PES1: variants seen among roughly 807,000 people sequenced by gnomAD.
PES1 encodes pescadillo ribosomal biogenesis factor 1.
A neutral mutation model predicts 77.1 loss-of-function variants in PES1; 31 were observed. That is an observed-to-expected ratio of 0.40 (90% confidence interval 0.30 to 0.54). The LOEUF (loss-of-function observed/expected upper bound fraction) is 0.54, where lower values mean the gene tolerates loss of function less well. Among genes scored for constraint, PES1 ranks in the 20% least tolerant of loss-of-function variants. The pLI, the probability that PES1 is intolerant of heterozygous loss-of-function variation, is 0.45. For synonymous variants in PES1, 282 were observed against 303.0 expected (o/e 0.93, Z 0.72); for missense variants, 658 against 771.7 (o/e 0.85, Z 1.75).
intron 4 of PES1, 65 bp downstream of exon 4, chr22:30,587,221 G>A (rs1283524324): frequency 1.7e-6 from 2 of 1,152,562 alleles, no homozygotes; most frequent in African/African-American, 3.0e-5. Context: ...TTGTATCCCT[G>A]GTGCTAGGGC....
At position 30,587,396 on chromosome 22, in the gene PES1, C is replaced by G; in HGVS notation, c.259-1G>C. On this transcript the variant is annotated splice_acceptor_variant, in intron 3 of 14. Transcript: ENST00000354694. LOFTEE classifies it high-confidence loss of function. ...CCTTCCGGAGCTTCCGGACGAACAC[C>G]TGGAAGAAAGAAAGAAAACACCTCA... The G allele has an allele frequency of 6.2e-7, 1 of 1,611,420 alleles. No individual in the cohort carries two copies. Among genetic ancestry groups the G allele is most frequent in the Non-Finnish European group, 8.5e-7 (1 of 1,177,748 alleles).
intron 2 of PES1, among the ~76,000 whole-genome samples, chr22:30,599,987 GTTAAA>G (rs1454272036): frequency 9.9e-5 from 15 of 152,130 alleles, no homozygotes; most frequent in Non-Finnish European, 2.2e-4. Flanking sequence ...AAATATTTAT[GTTAAA>G]TTAAATAACT....
chr22:30,603,580 C>G (rs1292388453), intron 2 of PES1, among the ~76,000 whole-genome samples: 1 of 151,892 alleles, frequency 6.6e-6, no homozygotes, highest in African/African-American at 2.4e-5. Context: ...CTGGATTTCA[C>G]CCTGTTGGTC....
At chr22:30,580,728 A>T in intron 9 of PES1, 27 bp from the exon 10 acceptor site, 1 of 1,611,692 alleles carries the variant, frequency 6.2e-7, no homozygotes, top group Non-Finnish European at 8.5e-7. Flanking sequence ...CAGGCCTCGC[A>T]CCACCAGGGC....
At chr22:30,591,418 G>A (rs1221816028) in intron 1 of PES1, among the ~76,000 whole-genome samples, 3 of 152,166 alleles carry the variant, frequency 2.0e-5, no homozygotes, top group East Asian at 1.9e-4. Flanking sequence ...CATTTCAGCC[G>A]AAATGTTATG....
chr22:30,585,467 T>C, intron 4 of PES1: 1 of 357,904 alleles, frequency 2.8e-6, no homozygotes. Context: ...ACCCAGACTC[T>C]TCATTTACAA....
chr22:30,579,431 A>G (rs1470772588), intron 12 of PES1, 128 bp from the exon 13 acceptor site: 1 of 1,475,484 alleles, frequency 6.8e-7, no homozygotes, highest in Admixed American at 1.9e-5. Flanking sequence ...GGGATGTCCC[A>G]ATTGTGGCCC....
chr22:30,605,894 T>C (rs2087431330), intron 1 of PES1, among the ~76,000 whole-genome samples: 1 of 152,238 alleles, frequency 6.6e-6, no homozygotes, highest in Non-Finnish European at 1.5e-5. Flanking sequence ...ATAAAATAAT[T>C]GCAATGCAGA....
intron 1 of PES1, among the ~76,000 whole-genome samples, chr22:30,605,733 G>T (rs569222177): frequency 6.6e-6 from 1 of 152,268 alleles, no homozygotes; most frequent in South Asian, 2.1e-4. Context: ...GCCACATCCA[G>T]CCTTTCTGAC....
intron 2 of PES1, chr22:30,601,724 G>A (rs914689233): frequency 1.3e-5 from 2 of 151,836 alleles, no homozygotes; most frequent in Admixed American, 1.3e-4. Flanking sequence ...ATTCATTGAA[G>A]GATACCTTGG....
chr22:30,591,728 G>A (rs1259273451), intron 1 of PES1, 82 bp downstream of exon 1: 2 of 1,473,790 alleles, frequency 1.4e-6, no homozygotes, highest in African/African-American at 1.4e-5. Context: ...CCACGAGACG[G>A]AGCCCGGGAA....
At position 30,580,677 on chromosome 22, in the gene PES1, G is replaced by A. The variant is rs140816492; in HGVS notation, c.937C>T (p.Arg313Cys). The A allele has an allele frequency of 9.5e-5, 154 of 1,613,368 alleles. 1 individual carries two copies. In the African/African-American group the frequency reaches 1.0e-3, roughly 11 times the overall value. Residue 313 changes from arginine (R) to cysteine (C), a missense_variant, in exon 10 of 15, where the codon CGC becomes TGC. Physicochemically the swap from Arg to Cys is radical, Grantham distance 180 (BLOSUM62 -3). Coordinates refer to ENST00000354694, the MANE Select transcript of PES1 (RefSeq NM_014303.4). Reference protein sequence around the residue: ...DGEMSAQEEDRRKELEAQEKH... With the variant: ...DGEMSAQEEDCRKELEAQEKH... ...TCCTGCGCCTCCAGCTCCTTCCTGC[G>A]GTCTTCCTCCTGCGCTGACATCTCC...
chr22:30,601,699 G>A lies in PES1; in HGVS notation c.-661+3762C>T, dbSNP rs367835985. 1.1e-4 allele frequency: 17 copies of A among 151,906 alleles called. No homozygotes were observed. The East Asian group carries it at 1.4e-3, about 12-fold the overall frequency. 9.4% of individuals were successfully genotyped at this position (151,906 alleles called of 1,614,324 possible). A position where few individuals can be genotyped will look rare whatever the true frequency, so the allele number is the denominator to read the frequency against. Reference sequence around the variant, plus strand: ...CAATATTTCATTGTATAGATGTACCGCAATTTGTTTATGCATTCATTGAAG... The same window carrying A: ...CAATATTTCATTGTATAGATGTACCACAATTTGTTTATGCATTCATTGAAG... On this transcript the variant is annotated intron_variant, in intron 2 of 16. Transcript: ENST00000402281.
upstream of PES1, among the ~76,000 whole-genome samples, chr22:30,593,521 G>T (rs1277076329): frequency 6.6e-6 from 1 of 152,094 alleles, no homozygotes; most frequent in Non-Finnish European, 1.5e-5. Flanking sequence ...GAAGGAAAGG[G>T]ATGGACTGGA....
upstream of PES1, chr22:30,592,394 T>C (rs910946944): frequency 3.0e-6 from 3 of 987,652 alleles, no homozygotes; most frequent in African/African-American, 3.5e-5. Context: ...TTCGCGGTTA[T>C]GCGGCTAAAA....
At chr22:30,602,270 A>G (rs1036850653) in intron 2 of PES1, among the ~76,000 whole-genome samples, 17 of 152,096 alleles carry the variant, frequency 1.1e-4, no homozygotes, top group South Asian at 8.3e-4. Flanking sequence ...CACTTTCTCA[A>G]TCTCTCTACT....
intron 2 of PES1, chr22:30,605,413 C>T (rs901375229): frequency 1.6e-5 from 16 of 979,652 alleles, no homozygotes; most frequent in Non-Finnish European, 1.9e-5. Context: ...ACCCTAACTA[C>T]CTTGGGGATC....
intron 4 of PES1, 72 bp from the exon 5 acceptor site, chr22:30,584,789 C>A (rs1234028660): frequency 2.7e-6 from 4 of 1,495,122 alleles, no homozygotes; most frequent in African/African-American, 2.8e-5. Context: ...ATCTCCTTAT[C>A]CCACCCCAGA....
chr22:30,584,887 G>A (rs1443465301), intron 4 of PES1, among the ~76,000 whole-genome samples, 170 bp from the exon 5 acceptor site: 5 of 152,158 alleles, frequency 3.3e-5, no homozygotes, highest in Admixed American at 2.0e-4. Flanking sequence ...GCCCCTAGGA[G>A]GAACCACTTA....
Sources: allele counts gnomAD v4.1 joint callset (sites outside exome capture counted in the v4.1 genomes callset), GRCh38; gene constraint gnomAD v4.1.1; transcripts MANE v1.5; gene names NCBI Gene and HGNC (gene_info 2026-07-23, HGNC 2026-07-21).